Variants in UBE2E3 observed in about 807,000 individuals in gnomAD.
UBE2E3 encodes the protein ubiquitin conjugating enzyme E2 E3.
In UBE2E3, 5 loss-of-function variants were observed where a neutral mutation model predicts 23.6. That is an observed-to-expected ratio of 0.21 (90% CI 0.11 to 0.44). The LOEUF (loss-of-function observed/expected upper bound fraction) is 0.44, where lower values mean the gene tolerates loss of function less well. Among genes scored for constraint, UBE2E3 ranks in the 20% least tolerant of loss-of-function variants. The pLI is 0.99. For synonymous variants in UBE2E3, 78 were observed against 87.5 expected, an observed-to-expected ratio of 0.89 and a Z score of 0.60; for missense variants, 81 against 249.8, an observed-to-expected ratio of 0.32 and a Z score of 4.55.
At position 180,997,823 on chromosome 2, in the gene UBE2E3, G is replaced by A. The variant is rs180865522; in HGVS notation, c.245+13730G>A. 9.2e-5 allele frequency among the ~76,000 whole-genome samples: 14 copies of A among 152,210 alleles called. No homozygotes were observed. The East Asian group carries it at 2.7e-3, about 29-fold the overall frequency. On this transcript the variant is annotated intron_variant, in intron 3 of 5. Transcript: ENST00000410062. ...GCCTAGGATGGCTTTCATCCTTCAA[G>A]TGGTAGTGATCTTTTAAAGCCTATT... is the stretch of plus-strand genomic sequence containing the variant.
chr2:181,000,707 A>G (rs1684966544), intron 3 of UBE2E3, among the ~76,000 whole-genome samples: 1 of 151,962 alleles, frequency 6.6e-6, no homozygotes, highest in African/African-American at 2.4e-5. Flanking sequence ...GGCGCCCACC[A>G]CCACACCTGA....
intron 3 of UBE2E3, among the ~76,000 whole-genome samples, chr2:180,985,426 TA>T (rs530199263): frequency 1.2e-4 from 18 of 152,228 alleles, no homozygotes; most frequent in Admixed American, 9.8e-4. Flanking sequence ...TGCATTGACT[TA>T]AAAAAAGTTC....
intron 3 of UBE2E3, among the ~76,000 whole-genome samples, chr2:181,031,233 A>T (rs1388347671): frequency 6.6e-6 from 1 of 152,126 alleles, no homozygotes; most frequent in Non-Finnish European, 1.5e-5. Flanking sequence ...TGATTGTTAC[A>T]TATAGGGTTT....
At chr2:181,043,378 CT>C (rs1686572485) in intron 3 of UBE2E3, among the ~76,000 whole-genome samples, 1 of 152,110 alleles carries the variant, frequency 6.6e-6, no homozygotes, top group African/African-American at 2.4e-5. Flanking sequence ...TTTCTGATGG[CT>C]TAGTGTGTTC....
chr2:181,039,249 A>G (rs1686399380), intron 3 of UBE2E3, among the ~76,000 whole-genome samples: 1 of 151,306 alleles, frequency 6.6e-6, no homozygotes, highest in African/African-American at 2.4e-5. Context: ...ACATTTGTCA[A>G]AACTTAGCAG....
chr2:181,031,832 G>C (rs1307709149), intron 3 of UBE2E3, among the ~76,000 whole-genome samples: 1 of 152,086 alleles, frequency 6.6e-6, no homozygotes, highest in Non-Finnish European at 1.5e-5. Context: ...ACTCATTCTA[G>C]TATAAGACAA....
intron 3 of UBE2E3, among the ~76,000 whole-genome samples, chr2:181,025,983 C>A (rs1274630576): frequency 6.6e-6 from 1 of 151,872 alleles, no homozygotes; most frequent in Non-Finnish European, 1.5e-5. Flanking sequence ...ATTTTAACGT[C>A]ATTCAAAACA....
At chr2:181,010,718 A>C (rs1011289649) in intron 3 of UBE2E3, among the ~76,000 whole-genome samples, 1 of 152,170 alleles carries the variant, frequency 6.6e-6, no homozygotes, top group Non-Finnish European at 1.5e-5. Context: ...CCTGTGACTG[A>C]TACAATCAAT....
chr2:181,043,765 T>G lies in UBE2E3; in HGVS notation c.246-13928T>G, dbSNP rs375466991. On this transcript the variant is annotated intron_variant, in intron 3 of 5. Transcript: ENST00000410062. ...TATACAAATTGTTTACACAATATGA[T>G]TACTGGTGTGTATGTATAGTTTTGT... Among the ~76,000 whole-genome samples the G allele has an allele frequency of 2.0e-4, 31 of 152,292 alleles. 2 individuals are homozygous for G. The highest frequency in any genetic ancestry group is 7.0e-4 in the African/African-American group (29 of 41,580).
chr2:181,046,705 T>A (rs1199376046), intron 3 of UBE2E3, among the ~76,000 whole-genome samples: 1 of 152,174 alleles, frequency 6.6e-6, no homozygotes, highest in East Asian at 1.9e-4. Flanking sequence ...AAGCTCTTAT[T>A]AATCTGATTT....
At position 181,002,153 on chromosome 2, in the gene UBE2E3, T is replaced by C. The variant is rs114823797; in HGVS notation, c.245+18060T>C. 5.2e-3 allele frequency among the ~76,000 whole-genome samples: 793 copies of C among 152,144 alleles called. 8 individuals carry two copies. Among genetic ancestry groups the C allele is most frequent in the African/African-American group, 0.018 (752 of 41,544 alleles). ...GTAGGGATGAGGTTGACTTTATGGCTGGCCTACTGATCACATCTGGAATGT... is the reference window on the plus strand; with the variant it reads ...GTAGGGATGAGGTTGACTTTATGGCCGGCCTACTGATCACATCTGGAATGT... On this transcript the variant is annotated intron_variant, in intron 3 of 5. Transcript: ENST00000410062.
Position 181,025,667 on chromosome 2 carries a change from T to C in UBE2E3, c.246-32026T>C, listed in dbSNP as rs143375723. 5.4e-3 allele frequency among the ~76,000 whole-genome samples: 827 copies of C among 152,096 alleles called. 6 individuals are homozygous for C. The highest frequency in any genetic ancestry group is 9.4e-3 in the Non-Finnish European group (637 of 67,830). On this transcript the variant is annotated intron_variant, in intron 3 of 5. Coordinates refer to ENST00000410062, the MANE Select transcript of UBE2E3 (RefSeq NM_006357.4). ...AAATATAGGGCCATTATTAATTTTG[T>C]ATTTGAATCATATCATTGGCTATTA...
chr2:181,027,525 GTATT>G (rs1176225739), intron 3 of UBE2E3, among the ~76,000 whole-genome samples: 1 of 151,904 alleles, frequency 6.6e-6, no homozygotes, highest in Non-Finnish European at 1.5e-5. Flanking sequence ...AAAAATATAA[GTATT>G]TATTTATGGG....
In UBE2E3 at chr2:181,010,279, A is replaced by G. The variant is rs543925900; in HGVS notation, c.245+26186A>G. Among the ~76,000 whole-genome samples the G allele has an allele frequency of 1.1e-4, 17 of 152,288 alleles. No individual in the cohort carries two copies. In the South Asian group the frequency reaches 3.5e-3, roughly 32 times the overall value. The stretch of plus-strand genomic sequence containing the variant: ...TTAATTTCAGGTGTGTCAGCTAGTT[A>G]CAGGGTTAATATGTTACTATGATAC... On this transcript the variant is annotated intron_variant, in intron 3 of 5. Coordinates refer to ENST00000410062, the MANE Select transcript of UBE2E3 (RefSeq NM_006357.4).
intron 2 of UBE2E3, 95 bp downstream of exon 2, chr2:180,982,331 G>C: frequency 8.9e-7 from 1 of 1,120,894 alleles, no homozygotes; most frequent in Non-Finnish European, 1.3e-6. Context: ...CAGTAGTTCA[G>C]AAATATTTAC....
At chr2:181,055,174 A>C (rs1163653318) in intron 3 of UBE2E3, among the ~76,000 whole-genome samples, 1 of 151,792 alleles carries the variant, frequency 6.6e-6, no homozygotes, top group Non-Finnish European at 1.5e-5. Context: ...GATGTAGATA[A>C]GATTTCCAAG....
intron 3 of UBE2E3, among the ~76,000 whole-genome samples, chr2:181,018,519 C>T (rs540198346): frequency 3.3e-5 from 5 of 151,544 alleles, no homozygotes; most frequent in Non-Finnish European, 5.9e-5. Context: ...CTTTTGTGCC[C>T]GAGGACTCAG....
chr2:181,019,503 A>G (rs953553852), intron 3 of UBE2E3, among the ~76,000 whole-genome samples: 8 of 152,176 alleles, frequency 5.3e-5, no homozygotes, highest in Admixed American at 3.9e-4. Context: ...ACCACAGCAT[A>G]TATTTTATTT....
intron 3 of UBE2E3, among the ~76,000 whole-genome samples, chr2:181,052,952 C>T (rs1216054026): frequency 6.6e-6 from 1 of 151,752 alleles, no homozygotes; most frequent in Non-Finnish European, 1.5e-5. Flanking sequence ...TTCCATGTGC[C>T]TCTCTGTGCA....
Sources: gnomAD v4.1 joint callset for allele counts (sites outside exome capture counted in the v4.1 genomes callset) on GRCh38, gnomAD v4.1.1 for gene constraint, MANE v1.5 for transcripts, NCBI Gene and HGNC (gene_info 2026-07-23, HGNC 2026-07-21) for gene names.